Variants in GRIA1 observed in about 807,000 individuals in gnomAD.
The protein encoded by GRIA1 is glutamate ionotropic receptor AMPA type subunit 1.
Under a neutral mutation model 99.2 loss-of-function variants are expected in GRIA1, and 31 were observed. The observed-to-expected ratio is 0.31, with a 90% CI of 0.23 to 0.42. The LOEUF (loss-of-function observed/expected upper bound fraction) is 0.42, where lower values mean the gene tolerates loss of function less well. GRIA1 is among the 10% of genes least tolerant of loss of function. GRIA1 has a pLI of 1.00. For missense variants in GRIA1, 782 were observed against 1,157.5 expected, an observed-to-expected ratio of 0.68 and a Z score of 4.71; for synonymous variants, 438 against 432.4, an observed-to-expected ratio of 1.01 and a Z score of -0.16.
At chr5:153,716,372 G>T (rs1280671118) in intron 11 of GRIA1, among the ~76,000 whole-genome samples, 1 of 152,136 alleles carries the variant, frequency 6.6e-6, no homozygotes, top group East Asian at 1.9e-4. Flanking sequence ...TCTTCTGAAG[G>T]TCCCTTAGGG....
intron 2 of GRIA1, among the ~76,000 whole-genome samples, chr5:153,545,854 A>G (rs1759568361): frequency 6.6e-6 from 1 of 152,208 alleles, no homozygotes; most frequent in Admixed American, 6.5e-5. Flanking sequence ...ATTTACAAAC[A>G]GATAGCTGAA....
chr5:153,668,655 G>A (rs926380507), intron 5 of GRIA1, among the ~76,000 whole-genome samples: 3 of 152,140 alleles, frequency 2.0e-5, no homozygotes, highest in African/African-American at 7.2e-5. Flanking sequence ...TACATAAAAA[G>A]TTTGCTGACC....
chr5:153,669,731 C>A (rs546350022), intron 5 of GRIA1, among the ~76,000 whole-genome samples: 1 of 152,138 alleles, frequency 6.6e-6, no homozygotes, highest in South Asian at 2.1e-4. Flanking sequence ...TATTTTAAAC[C>A]CTTTTCCTGC....
At chr5:153,731,677 G>A (rs138640087) in intron 11 of GRIA1, among the ~76,000 whole-genome samples, 1,689 of 152,128 alleles carry the variant, frequency 0.011, 36 homozygotes, top group South Asian at 0.056. Flanking sequence ...TGTATGTTGT[G>A]AAATGATTAT....
intron 2 of GRIA1, among the ~76,000 whole-genome samples, chr5:153,542,677 C>A (rs1278457928): frequency 1.3e-5 from 2 of 152,214 alleles, no homozygotes; most frequent in Non-Finnish European, 2.9e-5. Flanking sequence ...CTTTGCTCTG[C>A]CATTTGCTAG....
At chr5:153,776,505 C>T (rs558504742) in intron 13 of GRIA1, among the ~76,000 whole-genome samples, 7 of 152,154 alleles carry the variant, frequency 4.6e-5, no homozygotes, top group Non-Finnish European at 1.0e-4. Context: ...ACAAGCTTTC[C>T]GGCACACCAG....
At chr5:153,677,330 TAA>T (rs369541225) in intron 7 of GRIA1, among the ~76,000 whole-genome samples, 169 bp downstream of exon 7, 23 of 149,550 alleles carry the variant, frequency 1.5e-4, no homozygotes, top group African/African-American at 5.6e-4. Context: ...GAAGCTCATA[TAA>T]AAAAAAAATG....
chr5:153,592,678 G>C (rs1764072739), intron 2 of GRIA1, among the ~76,000 whole-genome samples: 1 of 152,118 alleles, frequency 6.6e-6, no homozygotes, highest in Non-Finnish European at 1.5e-5. Context: ...TGTTTCTTCT[G>C]ATATTTTACC....
At chr5:153,667,822 G>A (rs1051552299) in intron 5 of GRIA1, among the ~76,000 whole-genome samples, 36 of 152,174 alleles carry the variant, frequency 2.4e-4, no homozygotes, top group African/African-American at 8.7e-4. Flanking sequence ...CAAGATGAAA[G>A]CATGTCCAAT....
intron 11 of GRIA1, among the ~76,000 whole-genome samples, chr5:153,718,351 G>T (rs2149536196): frequency 6.6e-6 from 1 of 152,282 alleles, no homozygotes; most frequent in East Asian, 1.9e-4. Context: ...AACTTGGGCT[G>T]GTCCCAAGGG....
chr5:153,721,232 T>G (rs140257598), intron 11 of GRIA1, among the ~76,000 whole-genome samples: 30 of 152,300 alleles, frequency 2.0e-4, no homozygotes, highest in East Asian at 7.7e-4. Context: ...TTCAACCTCT[T>G]TTTTTACTTA....
intron 2 of GRIA1, among the ~76,000 whole-genome samples, chr5:153,641,244 G>A (rs1753760168): frequency 1.3e-5 from 2 of 152,046 alleles, no homozygotes; most frequent in African/African-American, 2.4e-5. Flanking sequence ...CCAGGGACAG[G>A]AGCCAAGGAG....
At chr5:153,623,608 A>G (rs772262257) in intron 2 of GRIA1, among the ~76,000 whole-genome samples, 2 of 152,248 alleles carry the variant, frequency 1.3e-5, no homozygotes, top group Non-Finnish European at 2.9e-5. Flanking sequence ...TTTCATTTTC[A>G]TCTTTTACCT....
chr5:153,771,875 A>C (rs1298742602), intron 13 of GRIA1, among the ~76,000 whole-genome samples: 1 of 152,194 alleles, frequency 6.6e-6, no homozygotes, highest in Non-Finnish European at 1.5e-5. Flanking sequence ...ACATAAGGTA[A>C]TCAAAAACAT....
At chr5:153,586,988 G>A (rs1422165613) in intron 2 of GRIA1, among the ~76,000 whole-genome samples, 3 of 152,144 alleles carry the variant, frequency 2.0e-5, no homozygotes, top group African/African-American at 7.2e-5. Flanking sequence ...TTAAGCTCTA[G>A]GTTGAATTGC....
intron 2 of GRIA1, among the ~76,000 whole-genome samples, chr5:153,617,441 A>C (rs995618496): frequency 6.6e-6 from 1 of 152,134 alleles, no homozygotes; most frequent in Non-Finnish European, 1.5e-5. Flanking sequence ...GAAGATTTCT[A>C]TGTCATCAGC....
At chr5:153,684,633 C>T (rs1757218960) in intron 7 of GRIA1, among the ~76,000 whole-genome samples, 1 of 152,096 alleles carries the variant, frequency 6.6e-6, no homozygotes, top group African/African-American at 2.4e-5. Flanking sequence ...ATGGTACCCA[C>T]CAAACTAACA....
At chr5:153,601,650 A>T (rs1431375312) in intron 2 of GRIA1, among the ~76,000 whole-genome samples, 1 of 152,252 alleles carries the variant, frequency 6.6e-6, no homozygotes, top group Non-Finnish European at 1.5e-5. Context: ...TTCATGGCCA[A>T]GTGGCCAGAG....
intron 15 of GRIA1, among the ~76,000 whole-genome samples, chr5:153,806,289 G>A (rs554833392): frequency 7.3e-5 from 11 of 151,206 alleles, no homozygotes; most frequent in East Asian, 3.9e-4. Context: ...ATTTTGAGAC[G>A]GAGTCTCACC....
Sources: allele counts gnomAD v4.1 joint callset (sites outside exome capture counted in the v4.1 genomes callset), GRCh38; gene constraint gnomAD v4.1.1; transcripts MANE v1.5; gene names NCBI Gene and HGNC (gene_info 2026-07-23, HGNC 2026-07-21).